Variants in RCAN2 observed in about 807,000 individuals in gnomAD.
RCAN2 encodes calcipressin-2.
Under a neutral mutation model 23.6 loss-of-function variants are expected in RCAN2, and 9 were observed. The ratio of observed to expected loss-of-function variants is 0.38; its 90% CI spans 0.23 to 0.67. The LOEUF (loss-of-function observed/expected upper bound fraction) is 0.67, where lower values mean the gene tolerates loss of function less well. RCAN2 is among the 30% of genes least tolerant of loss of function. RCAN2 has a pLI of 0.51. For missense variants in RCAN2, 273 were observed against 302.3 expected, an observed-to-expected ratio of 0.90 and a Z score of 0.72; for synonymous variants, 109 against 115.7, an observed-to-expected ratio of 0.94 and a Z score of 0.37.
At chr6:46,479,651 G>A (rs1456852668) in intron 1 of RCAN2, among the ~76,000 whole-genome samples, 1 of 146,146 alleles carries the variant, frequency 6.8e-6, no homozygotes, top group East Asian at 2.0e-4. Flanking sequence ...GCAGTGGCGT[G>A]AGCTCACTGC....
chr6:46,412,660 G>A (rs953479548), intron 2 of RCAN2, among the ~76,000 whole-genome samples: 10 of 152,158 alleles, frequency 6.6e-5, no homozygotes, highest in African/African-American at 1.2e-4. Flanking sequence ...TTCATCAAGC[G>A]TTCTTGAGAG....
intron 2 of RCAN2, among the ~76,000 whole-genome samples, chr6:46,400,513 G>C (rs1421207832): frequency 6.6e-6 from 1 of 152,200 alleles, no homozygotes; most frequent in Non-Finnish European, 1.5e-5. Flanking sequence ...AAAATTTGCA[G>C]AATTTCCACT....
intron 2 of RCAN2, among the ~76,000 whole-genome samples, chr6:46,272,454 C>T (rs1198987688): frequency 6.6e-6 from 1 of 152,128 alleles, no homozygotes; most frequent in East Asian, 1.9e-4. Context: ...TTGCTGGCCT[C>T]TTGAAATAAG....
intron 2 of RCAN2, among the ~76,000 whole-genome samples, chr6:46,353,364 G>T (rs1395101742): frequency 3.3e-5 from 5 of 152,128 alleles, no homozygotes; most frequent in Non-Finnish European, 7.3e-5. Flanking sequence ...GGGGAGGAGA[G>T]AATTTGAAAG....
chr6:46,357,569 T>A (rs546672811), intron 2 of RCAN2, among the ~76,000 whole-genome samples: 2 of 152,358 alleles, frequency 1.3e-5, no homozygotes, highest in South Asian at 2.1e-4. Context: ...TATTGCTTAT[T>A]GCATGTCAGG....
chr6:46,282,617 G>A (rs1582062370), intron 2 of RCAN2, among the ~76,000 whole-genome samples: 6 of 152,096 alleles, frequency 3.9e-5, no homozygotes, highest in Admixed American at 2.6e-4. Flanking sequence ...TTTCTAAATC[G>A]CACTGTGAAA....
chr6:46,235,610 T>C (rs1297792688), intron 4 of RCAN2, among the ~76,000 whole-genome samples: 1 of 152,212 alleles, frequency 6.6e-6, no homozygotes, highest in African/African-American at 2.4e-5. Flanking sequence ...TTACCAGCTA[T>C]CACGCTTCTT....
At position 46,414,023 on chromosome 6, in the gene RCAN2, A is replaced by C. The variant is rs373008367; in HGVS notation, c.225+42729T>G. Among the ~76,000 whole-genome samples, 5 of 152,088 alleles carry C rather than the reference A, an allele frequency of 3.3e-5. No individual in the cohort carries two copies. In the South Asian group the frequency reaches 1.0e-3, roughly 32 times the overall value. On this transcript the variant is annotated intron_variant, in intron 2 of 4. Coordinates refer to ENST00000371374, the MANE Select transcript of RCAN2 (RefSeq NM_001251974.2). ...TTGTGTAGATTTAGCAGAGATATGA[A>C]AGGTAGCAAGGAGGTGGGAGTAATG...
chr6:46,421,935 T>C (rs1360801478), intron 2 of RCAN2, among the ~76,000 whole-genome samples: 2 of 152,182 alleles, frequency 1.3e-5, no homozygotes, highest in Admixed American at 6.5e-5. Context: ...AGAAAACTGT[T>C]AGTAAATATA....
At chr6:46,326,970 C>T (rs910632420) in intron 2 of RCAN2, among the ~76,000 whole-genome samples, 2 of 152,182 alleles carry the variant, frequency 1.3e-5, no homozygotes, top group African/African-American at 2.4e-5. Context: ...TGTCTTTGTG[C>T]ATTTGTTCAA....
chr6:46,382,138 T>C (rs1765629065), intron 2 of RCAN2, among the ~76,000 whole-genome samples: 1 of 152,222 alleles, frequency 6.6e-6, no homozygotes, highest in Middle Eastern at 3.2e-3. Context: ...GGGATTAGGA[T>C]TCCCTCTTGT....
At chr6:46,405,508 A>G (rs1470175534) in intron 2 of RCAN2, among the ~76,000 whole-genome samples, 2 of 152,322 alleles carry the variant, frequency 1.3e-5, no homozygotes, top group South Asian at 2.1e-4. Context: ...CCACGTCCCC[A>G]TCAGATTAGT....
chr6:46,356,919 G>C (rs1104943), intron 2 of RCAN2, among the ~76,000 whole-genome samples: 66,720 of 151,740 alleles, frequency 0.44, 16,282 homozygotes, highest in East Asian at 0.6. Flanking sequence ...AGTTCAACAG[G>C]TGGATCATTA....
At chr6:46,427,156 T>C (rs1449413238) in intron 2 of RCAN2, among the ~76,000 whole-genome samples, 1 of 152,172 alleles carries the variant, frequency 6.6e-6, no homozygotes, top group African/African-American at 2.4e-5. Context: ...GAATGACCCA[T>C]GTAAAACAAA....
intron 2 of RCAN2, among the ~76,000 whole-genome samples, chr6:46,407,605 G>A (rs1766439480): frequency 6.6e-6 from 1 of 152,194 alleles, no homozygotes; most frequent in Non-Finnish European, 1.5e-5. Context: ...GCATCTTGGA[G>A]GATGAGGTGG....
In RCAN2 at chr6:46,365,478, AAAAAG is replaced by A. The variant is rs59257652; in HGVS notation, c.225+91269_225+91273del. Among the ~76,000 whole-genome samples, 372 of 145,800 alleles carry A rather than the reference AAAAAG, an allele frequency of 2.6e-3. 1 individual carries two copies. The highest frequency in any genetic ancestry group is 7.6e-3 in the East Asian group (37 of 4,872). The stretch of plus-strand genomic sequence containing the variant: ...GCAACAAGAGCGAAACTCCATCTCA[AAAAAG>A]AAAAGAAAAGAAAAGAAAAGAAAAA... On this transcript the variant is annotated intron_variant, in intron 2 of 4. Coordinates refer to ENST00000371374, the MANE Select transcript of RCAN2 (RefSeq NM_001251974.2).
intron 2 of RCAN2, among the ~76,000 whole-genome samples, chr6:46,388,453 T>C (rs1326208665): frequency 6.6e-6 from 1 of 152,078 alleles, no homozygotes; most frequent in Non-Finnish European, 1.5e-5. Flanking sequence ...ACTGGATATA[T>C]ACCCAAAGGA....
At chr6:46,273,627 C>G (rs1443234784) in intron 2 of RCAN2, among the ~76,000 whole-genome samples, 1 of 152,118 alleles carries the variant, frequency 6.6e-6, no homozygotes, top group African/African-American at 2.4e-5. Context: ...AAATCTTGTG[C>G]AGCATTGTAA....
rs75655620 is a variant in RCAN2, at chr6:46,398,442, G to T, written c.225+58310C>A. 2.1e-3 allele frequency among the ~76,000 whole-genome samples: 321 copies of T among 152,180 alleles called. 1 individual carries two copies. The highest frequency in any genetic ancestry group is 4.0e-3 in the Non-Finnish European group (272 of 68,004). On this transcript the variant is annotated intron_variant, in intron 2 of 4. Transcript: ENST00000371374. ...TGGCCAATTATTATTATTATTATGA[G>T]AATTTTTGATGTAGTGTTTTCATTA... is the stretch of plus-strand genomic sequence containing the variant.
Sources: allele counts gnomAD v4.1 joint callset (sites outside exome capture counted in the v4.1 genomes callset), GRCh38; gene constraint gnomAD v4.1.1; transcripts MANE v1.5; gene names NCBI Gene and HGNC (gene_info 2026-07-23, HGNC 2026-07-21).